Variants in PGBD2 observed in about 807,000 individuals in gnomAD.
PGBD2 encodes piggyBac transposable element derived 2.
A neutral mutation model predicts 8.1 loss-of-function variants in PGBD2; 6 were observed. The observed-to-expected ratio is 0.74, with a 90% CI of 0.40 to 1.46. The LOEUF is 1.46. Among genes scored for constraint, PGBD2 ranks in the 40% most tolerant of loss-of-function variants. The pLI, the probability that PGBD2 is intolerant of heterozygous loss-of-function variation, is 0.02. For synonymous variants in PGBD2, 318 were observed against 272.2 expected (o/e 1.17, Z -1.66); for missense variants, 802 against 739.0 (o/e 1.09, Z -0.99).
chr1:248,920,283 TGCTATCCCTCCCCTA>T (rs1040744785), downstream of PGBD2, among the ~76,000 whole-genome samples: 99 of 152,280 alleles, frequency 6.5e-4, no homozygotes, highest in African/African-American at 2.2e-3. Flanking sequence ...TTTGTCCTAA[TGCTATCCCTCCCCTA>T]GCCCCCCACC....
At position 248,917,933 on chromosome 1, in the gene PGBD2, C is replaced by T. The variant is rs1174051937; in HGVS notation, c.1349C>T (p.Pro450Leu). The T allele has an allele frequency of 1.2e-6, 2 of 1,614,080 alleles. No individual in the cohort carries two copies. The highest frequency in any genetic ancestry group is 8.5e-7 in the Non-Finnish European group (1 of 1,180,048). Reference protein sequence around the residue: ...AAKTRTQVHQPSLVKLYQEKV... With the variant: ...AAKTRTQVHQLSLVKLYQEKV... Reference sequence around the variant, plus strand: ...AAAACGCGGACTCAGGTCCACCAGCCATCACTGGTGAAGCTGTATCAGGAG... The same window carrying T: ...AAAACGCGGACTCAGGTCCACCAGCTATCACTGGTGAAGCTGTATCAGGAG... The change falls in exon 3 of 3, where the codon CCA (proline) becomes CTA (leucine). Residue 450 changes from proline (P) to leucine (L), a missense_variant. Transcript: ENST00000329291.
chr1:248,874,292 G>T, the PGBD2 span, among the ~76,000 whole-genome samples: 6 of 152,116 alleles, frequency 3.9e-5, no homozygotes, highest in Admixed American at 3.9e-4. Flanking sequence ...TCACCGCCGC[G>T]GCCCGGGTTC....
the PGBD2 span, among the ~76,000 whole-genome samples, chr1:248,878,367 T>TG: frequency 3.3e-5 from 5 of 151,924 alleles, no homozygotes; most frequent in African/African-American, 1.2e-4. Flanking sequence ...TTTGTAGAGA[T>TG]GGGGTTTCAC....
chr1:248,919,161 C>A (rs746430264), downstream of PGBD2: 4 of 167,016 alleles, frequency 2.4e-5, no homozygotes, highest in Non-Finnish European at 5.9e-5. Context: ...CCCTGTTGTG[C>A]TAGCAAATAC....
In PGBD2 at chr1:248,916,937, G is replaced by A. The variant is rs893937684; in HGVS notation, c.353G>A (p.Arg118His). 5 of 1,613,544 alleles carry A rather than the reference G, an allele frequency of 3.1e-6. No homozygotes were observed. The highest frequency in any genetic ancestry group is 1.6e-4 in the Middle Eastern group (1 of 6,084). The change falls in exon 3 of 3, where the codon CGT becomes CAT. Residue 118 changes from arginine (R) to histidine (H), a missense_variant. Arg to His is a conservative substitution (Grantham distance 29, BLOSUM62 0). Transcript: ENST00000329291. ...CGCATTTGGACCAAAAGAGATATTC[G>A]TCCAGACTTTGGCAGTTGGACTGCA... is the stretch of plus-strand genomic sequence containing the variant. Reference protein sequence around the residue: ...PQRIWTKRDIRPDFGSWTASD... With the variant: ...PQRIWTKRDIHPDFGSWTASD...
the PGBD2 span, among the ~76,000 whole-genome samples, chr1:248,878,182 CTTT>C: frequency 3.9e-4 from 55 of 141,558 alleles, no homozygotes; most frequent in Admixed American, 1.3e-3. Flanking sequence ...TTTTCCATAT[CTTT>C]TTTTTTTTTT....
At chr1:248,884,587 C>T in the PGBD2 span, among the ~76,000 whole-genome samples, 7 of 152,154 alleles carry the variant, frequency 4.6e-5, no homozygotes, top group South Asian at 6.2e-4. Context: ...CCTGGTGATC[C>T]GCCCACCTCA....
chr1:248,874,259 CTAGTGGTT>C, the PGBD2 span, among the ~76,000 whole-genome samples: 6 of 152,240 alleles, frequency 3.9e-5, no homozygotes, highest in East Asian at 7.7e-4. Context: ...CCCTGGTGGT[CTAGTGGTT>C]AGGATTCGGC....
intron 1 of PGBD2, among the ~76,000 whole-genome samples, chr1:248,906,883 G>A (rs149085849): frequency 2.6e-5 from 4 of 152,182 alleles, no homozygotes; most frequent in African/African-American, 4.8e-5. Flanking sequence ...GGGTTCTTCC[G>A]TATCCCACAA....
At chr1:248,874,185 A>G in the PGBD2 span, among the ~76,000 whole-genome samples, 3 of 152,162 alleles carry the variant, frequency 2.0e-5, no homozygotes, top group African/African-American at 7.2e-5. Context: ...TCATGTTTCT[A>G]TAGGAGATAC....
At chr1:248,929,458 A>G in the PGBD2 span, among the ~76,000 whole-genome samples, 1 of 152,052 alleles carries the variant, frequency 6.6e-6, no homozygotes. Context: ...CACCCCTTTG[A>G]CTCACTTTAT....
At chr1:248,873,966 G>A in the PGBD2 span, among the ~76,000 whole-genome samples, 2 of 151,952 alleles carry the variant, frequency 1.3e-5, no homozygotes, top group East Asian at 1.9e-4. Flanking sequence ...TGACACATTC[G>A]TTTTATTAGC....
At chr1:248,874,530 G>C in the PGBD2 span, among the ~76,000 whole-genome samples, 4 of 152,148 alleles carry the variant, frequency 2.6e-5, no homozygotes, top group African/African-American at 9.7e-5. Context: ...GAGAAAAAAT[G>C]CCAGCAGCAC....
At chr1:248,873,281 C>T in the PGBD2 span, among the ~76,000 whole-genome samples, 48 of 152,320 alleles carry the variant, frequency 3.2e-4, no homozygotes, top group East Asian at 9.1e-3. Context: ...TGACTTCCCT[C>T]ACCTCAGGCG....
chr1:248,927,295 A>C, the PGBD2 span, among the ~76,000 whole-genome samples: 1 of 152,192 alleles, frequency 6.6e-6, no homozygotes, highest in Non-Finnish European at 1.5e-5. Context: ...CACATCTGGG[A>C]AGCTGACAAT....
At chr1:248,873,650 G>T in the PGBD2 span, among the ~76,000 whole-genome samples, 1 of 152,174 alleles carries the variant, frequency 6.6e-6, no homozygotes, top group Non-Finnish European at 1.5e-5. Context: ...CGTTAGCTTC[G>T]ATTCCCGGCC....
At chr1:248,928,932 C>T in the PGBD2 span, among the ~76,000 whole-genome samples, 5 of 152,304 alleles carry the variant, frequency 3.3e-5, no homozygotes, top group African/African-American at 2.4e-5. Context: ...AGAAATTCAT[C>T]TCTTTCTGTC....
rs2103118892 is a variant in PGBD2, at chr1:248,918,437, G to A, written c.*74G>A. 1 of 1,430,406 alleles carries A rather than the reference G, an allele frequency of 7.0e-7. No homozygotes were observed. Among genetic ancestry groups the A allele is most frequent in the East Asian group, 2.4e-5 (1 of 41,952 alleles). 88.6% of individuals were successfully genotyped at this position (1,430,406 alleles called of 1,614,324 possible). A position where few individuals can be genotyped will look rare whatever the true frequency, so the allele number is the denominator to read the frequency against. On this transcript the variant is annotated 3_prime_UTR_variant, in exon 3 of 3. Coordinates refer to ENST00000329291, the MANE Select transcript of PGBD2 (RefSeq NM_170725.3). ...ATACAGATGGCAGTTGAGCACTTCT[G>A]TTTTGTGTTGGAAAAAAGACCTGAA... is the stretch of plus-strand genomic sequence containing the variant.
At chr1:248,894,783 TTCTC>T in the PGBD2 span, among the ~76,000 whole-genome samples, 6 of 149,248 alleles carry the variant, frequency 4.0e-5, no homozygotes, top group Non-Finnish European at 5.9e-5. Context: ...TTCCTTCCTT[TTCTC>T]TCTCTCTCTT....
Sources: allele counts gnomAD v4.1 joint callset (sites outside exome capture counted in the v4.1 genomes callset), GRCh38; gene constraint gnomAD v4.1.1; transcripts MANE v1.5; gene names NCBI Gene and HGNC (gene_info 2026-07-23, HGNC 2026-07-21).